The following TLL2 variants were observed in gnomAD, a reference collection of about 807,000 sequenced individuals.
TLL2 encodes tolloid like 2.
TLL2 carries 106 observed loss-of-function variants against 123.0 expected under a neutral mutation model. That is an observed-to-expected ratio of 0.86 (90% confidence interval 0.74 to 1.01). TLL2 has a LOEUF of 1.01. Ranked by LOEUF, TLL2 falls within the 50% of genes least tolerant of loss-of-function variation. The pLI is 0.00. For synonymous variants in TLL2, 494 were observed against 516.8 expected (o/e 0.96, Z 0.60); for missense variants, 1,332 against 1,336.7 (o/e 1.00, Z 0.06).
chr10:96,452,831 A>T (rs1266162294), intron 2 of TLL2, among the ~76,000 whole-genome samples: 3 of 152,248 alleles, frequency 2.0e-5, no homozygotes, highest in Non-Finnish European at 4.4e-5. Context: ...TGAAGTATTC[A>T]TTATTCATTA....
intron 2 of TLL2, among the ~76,000 whole-genome samples, chr10:96,456,659 C>G (rs1044622496): frequency 1.3e-5 from 2 of 152,198 alleles, no homozygotes; most frequent in African/African-American, 4.8e-5. Context: ...CCCTTCAATT[C>G]GGGCTGAGCT....
Position 96,365,749 on chromosome 10 carries a change from TCCAGAGGAGCGGC to T in TLL2, c.*2326_*2338del, listed in dbSNP as rs1846018682. 1 of 152,214 alleles carries T rather than the reference TCCAGAGGAGCGGC, an allele frequency of 6.6e-6. No homozygotes were observed. The highest frequency in any genetic ancestry group is 2.1e-4 in the South Asian group (1 of 4,824). The allele number at this position is 152,214 out of a possible 1,614,324, so 9.4% of individuals were successfully genotyped here. On this transcript the variant is annotated 3_prime_UTR_variant, in exon 21 of 21. Coordinates refer to ENST00000357947, the MANE Select transcript of TLL2 (RefSeq NM_012465.4). ...GCCTAAGTCCCCACAAGTGTGGGCT[TCCAGAGGAGCGGC>T]CCAGCTAGCCCCAGCTGAATCAGAG...
In TLL2 at chr10:96,459,705, A is replaced by AATATATATATATATATATAT; in HGVS notation, c.287-13557_287-13538dup. Among the ~76,000 whole-genome samples the AATATATATATATATATATAT allele has an allele frequency of 5.6e-3, 213 of 37,960 alleles. 2 individuals are homozygous for AATATATATATATATATATAT. Among genetic ancestry groups the AATATATATATATATATATAT allele is most frequent in the Non-Finnish European group, 6.8e-3 (156 of 22,860 alleles). The allele number at this position is 37,960 out of a possible 152,430, so 24.9% of individuals were successfully genotyped here. ...AAAAAAAAAAAAAAAAAAAAAAAAA[A>AATATATATATATATATATAT]ATATATATATATATATATATATATA... On this transcript the variant is annotated intron_variant, in intron 2 of 20. Coordinates refer to ENST00000357947, the MANE Select transcript of TLL2 (RefSeq NM_012465.4).
At chr10:96,428,028 A>C (rs61857568) in intron 5 of TLL2, among the ~76,000 whole-genome samples, 45,855 of 151,964 alleles carry the variant, frequency 0.3, 7,210 homozygotes, top group Non-Finnish European at 0.36. Flanking sequence ...CTCCCGACCT[A>C]AGGTGATCTG....
intron 9 of TLL2, among the ~76,000 whole-genome samples, chr10:96,406,432 C>G (rs1846450814): frequency 6.6e-6 from 1 of 152,142 alleles, no homozygotes; most frequent in Non-Finnish European, 1.5e-5. Context: ...CCCTGCACCC[C>G]TGACTCTATT....
At chr10:96,390,919 C>T (rs1846281514) in intron 13 of TLL2, among the ~76,000 whole-genome samples, 1 of 152,174 alleles carries the variant, frequency 6.6e-6, no homozygotes, top group Non-Finnish European at 1.5e-5. Context: ...AGATCTCTCA[C>T]TAATATTGTG....
intron 1 of TLL2, among the ~76,000 whole-genome samples, chr10:96,506,817 G>A (rs568285617): frequency 3.0e-4 from 45 of 152,206 alleles, no homozygotes; most frequent in Middle Eastern, 3.4e-3. Context: ...CTGGGCGGGA[G>A]AGAAAAGGAA....
At chr10:96,428,078 A>T (rs1412615388) in intron 5 of TLL2, among the ~76,000 whole-genome samples, 2 of 152,088 alleles carry the variant, frequency 1.3e-5, no homozygotes, top group Admixed American at 1.3e-4. Flanking sequence ...TACAGGCGTG[A>T]CTCACCGCTC....
intron 1 of TLL2, among the ~76,000 whole-genome samples, chr10:96,481,384 C>A (rs555621789): frequency 6.6e-6 from 1 of 152,270 alleles, no homozygotes; most frequent in South Asian, 2.1e-4. Flanking sequence ...CCTGCCTCGG[C>A]CTCTCAAAAC....
chr10:96,475,732 C>A (rs530466816), intron 2 of TLL2, among the ~76,000 whole-genome samples: 1 of 152,288 alleles, frequency 6.6e-6, no homozygotes, highest in African/African-American at 2.4e-5. Flanking sequence ...CTCTCCCTAC[C>A]CTCCAACAAA....
intron 2 of TLL2, among the ~76,000 whole-genome samples, chr10:96,464,764 T>C (rs1847112377): frequency 6.6e-6 from 1 of 152,184 alleles, no homozygotes. Flanking sequence ...TGTTTTCAAA[T>C]AGAAATAAAA....
chr10:96,387,158 C>T lies in TLL2; in HGVS notation c.1727-80G>A, dbSNP rs1034847204. ...TCCCAACCCTTGCATATCCCAGTGTCACCAGCAAGTGTCCTCTAATAAACA... is the reference window on the plus strand; with the variant it reads ...TCCCAACCCTTGCATATCCCAGTGTTACCAGCAAGTGTCCTCTAATAAACA... On this transcript the variant is annotated intron_variant, in intron 13 of 20. Transcript: ENST00000357947. The T allele has an allele frequency of 1.1e-5, 17 of 1,566,318 alleles. No individual in the cohort carries two copies. The Admixed American group carries it at 2.9e-4, about 27-fold the overall frequency.
chr10:96,505,293 C>A (rs1407895578), intron 1 of TLL2, among the ~76,000 whole-genome samples: 1 of 152,178 alleles, frequency 6.6e-6, no homozygotes, highest in Non-Finnish European at 1.5e-5. Flanking sequence ...GAAACCACCC[C>A]CATGATCCAA....
At chr10:96,476,248 T>TTTTTTTTTTTTTTTTGTTG (rs1285354320) in intron 2 of TLL2, among the ~76,000 whole-genome samples, 14 of 69,224 alleles carry the variant, frequency 2.0e-4, no homozygotes, top group Non-Finnish European at 3.3e-4. Flanking sequence ...ATATTTTATT[T>TTTTTTTTTTTTTTTTGTTG]TTGTTGTTGT....
intron 10 of TLL2, among the ~76,000 whole-genome samples, chr10:96,400,365 A>C (rs913757969): frequency 6.6e-6 from 1 of 151,724 alleles, no homozygotes; most frequent in African/African-American, 2.4e-5. Flanking sequence ...ATCAAAAAAA[A>C]AAAAAAAAAA....
intron 8 of TLL2, among the ~76,000 whole-genome samples, chr10:96,411,257 CAAAAAAAAAAAAAAAAAAAAA>C (rs56011735): frequency 3.5e-4 from 33 of 95,158 alleles, no homozygotes; most frequent in African/African-American, 5.8e-4. Flanking sequence ...GACTCTGTCT[CAAAAAAAAAAAAAAAAAAAAA>C]AAAAAAAAAA....
intron 1 of TLL2, among the ~76,000 whole-genome samples, chr10:96,511,510 C>T (rs1847631674): frequency 6.6e-6 from 1 of 152,230 alleles, no homozygotes; most frequent in Non-Finnish European, 1.5e-5. Context: ...CTGGCCATAT[C>T]CTCTGCCTTC....
At chr10:96,435,266 C>T (rs1011142820) in intron 3 of TLL2, among the ~76,000 whole-genome samples, 13 of 152,062 alleles carry the variant, frequency 8.5e-5, no homozygotes, top group South Asian at 4.2e-4. Flanking sequence ...CTCCTGACCT[C>T]GTGATCTGCC....
At chr10:96,437,462 G>A (rs1846808039) in intron 3 of TLL2, among the ~76,000 whole-genome samples, 1 of 152,074 alleles carries the variant, frequency 6.6e-6, no homozygotes, top group South Asian at 2.1e-4. Flanking sequence ...ACAGTTTTGT[G>A]TATCTACCAC....
Sources: gnomAD v4.1 joint callset for allele counts (sites outside exome capture counted in the v4.1 genomes callset) on GRCh38, gnomAD v4.1.1 for gene constraint, MANE v1.5 for transcripts, NCBI Gene and HGNC (gene_info 2026-07-23, HGNC 2026-07-21) for gene names.